Variants in SYPL1 observed in about 807,000 individuals in gnomAD.
The protein encoded by SYPL1 is synaptophysin-like protein 1.
Under a neutral mutation model 23.7 loss-of-function variants are expected in SYPL1, and 6 were observed. The observed-to-expected ratio is 0.25, with a 90% CI of 0.14 to 0.50. The LOEUF (loss-of-function observed/expected upper bound fraction) is 0.50, where lower values mean the gene tolerates loss of function less well. Ranked by LOEUF, SYPL1 falls within the 20% of genes least tolerant of loss-of-function variation. The pLI is 0.98. For missense variants in SYPL1, 253 were observed against 288.9 expected (o/e 0.88, Z 0.90); for synonymous variants, 102 against 104.5 (o/e 0.98, Z 0.15).
chr7:106,107,537 T>TTGAGACCAGCCTGG (rs1378062544), intron 1 of SYPL1, among the ~76,000 whole-genome samples: 81 of 152,238 alleles, frequency 5.3e-4, no homozygotes, highest in African/African-American at 1.9e-3. Flanking sequence ...GGTCAGGAGT[T>TTGAGACCAGCCTGG]TGAGACCAGC....
At chr7:106,094,749 C>CT (rs1260673134) in intron 3 of SYPL1, among the ~76,000 whole-genome samples, 2 of 152,174 alleles carry the variant, frequency 1.3e-5, no homozygotes, top group African/African-American at 4.8e-5. Flanking sequence ...TCAAATCCTC[C>CT]TAATTTTCAG....
At chr7:106,098,843 T>C (rs1585937988) in intron 2 of SYPL1, among the ~76,000 whole-genome samples, 1 of 152,260 alleles carries the variant, frequency 6.6e-6, no homozygotes, top group East Asian at 1.9e-4. Flanking sequence ...ACTAAGGTGA[T>C]AGAACAATCT....
Position 106,097,897 on chromosome 7 carries a change from C to A in SYPL1, c.195G>T (p.Arg65Ser). Reference protein sequence around the residue: ...TVTATFGYPFRLNEASFQPPP... With the variant: ...TVTATFGYPFSLNEASFQPPP... ...GTGGCTGAAATGATGCCTCATTCAA[C>A]CTATTAAAATAAATGTATGAATTAT... is the stretch of plus-strand genomic sequence containing the variant. Residue 65 changes from arginine to serine, a missense_variant and splice_region_variant, in exon 3 of 5, where the codon AGG becomes AGT. Arg to Ser is a moderately radical substitution (Grantham distance 110). Coordinates refer to ENST00000455385, the MANE Select transcript of SYPL1 (RefSeq NM_182715.4). The surrounding 1 kb of genome is among the most constrained non-coding windows in gnomAD (Gnocchi z 4.6). The A allele has an allele frequency of 1.2e-6, 2 of 1,609,114 alleles. No individual in the cohort carries two copies. Among genetic ancestry groups the A allele is most frequent in the East Asian group, 2.2e-5 (1 of 44,820 alleles).
chr7:106,102,367 A>G (rs1840371156), intron 1 of SYPL1, among the ~76,000 whole-genome samples: 1 of 152,202 alleles, frequency 6.6e-6, no homozygotes, highest in East Asian at 1.9e-4. Context: ...AAGTGCTGGG[A>G]TTACAGGCTT....
At chr7:106,099,052 A>T in intron 2 of SYPL1, 106 bp downstream of exon 2, 1 of 1,374,036 alleles carries the variant, frequency 7.3e-7, no homozygotes, top group Non-Finnish European at 1.0e-6. Flanking sequence ...ATGAGCATAC[A>T]GTCTAAAATT....
chr7:106,110,912 TA>T, intron 1 of SYPL1, among the ~76,000 whole-genome samples: 1 of 152,370 alleles, frequency 6.6e-6, no homozygotes, highest in South Asian at 2.1e-4. Flanking sequence ...TTAGCCTCGT[TA>T]ATGAGATTTT....
At chr7:106,103,898 A>G (rs1346540259) in intron 1 of SYPL1, among the ~76,000 whole-genome samples, 1 of 152,194 alleles carries the variant, frequency 6.6e-6, no homozygotes, top group Non-Finnish European at 1.5e-5. Context: ...TTTTCAACCT[A>G]AATTAAACAA....
chr7:106,105,088 C>G (rs1840525099), intron 1 of SYPL1, among the ~76,000 whole-genome samples: 1 of 152,138 alleles, frequency 6.6e-6, no homozygotes, highest in Non-Finnish European at 1.5e-5. Flanking sequence ...TCACTTATGG[C>G]AGAGTATGTG....
intron 1 of SYPL1, among the ~76,000 whole-genome samples, chr7:106,106,079 C>T (rs1272400469): frequency 6.6e-6 from 1 of 152,016 alleles, no homozygotes; most frequent in Non-Finnish European, 1.5e-5. Context: ...GGTGGCACAA[C>T]AATAAAAAAT....
chr7:106,111,887 C>T, intron 1 of SYPL1: 1 of 239,122 alleles, frequency 4.2e-6, no homozygotes. Flanking sequence ...AGGGGAGCTC[C>T]GGTGTGGGAG....
In SYPL1 at chr7:106,096,758, T is replaced by G; in HGVS notation, c.402+932A>C. On this transcript the variant is annotated intron_variant, in intron 3 of 4. Transcript: ENST00000455385. The surrounding 1 kb of genome is among the most constrained non-coding windows in gnomAD (Gnocchi z 4.4). ...GGGTCTGATTTTAAATTAAGGAGTT[T>G]AGGGACATAGACCAGGAATCAACAA... 6.6e-6 allele frequency among the ~76,000 whole-genome samples: 1 copy of G among 152,344 alleles called. No homozygotes were observed. Among genetic ancestry groups the G allele is most frequent in the East Asian group, 1.9e-4 (1 of 5,192 alleles).
intron 1 of SYPL1, among the ~76,000 whole-genome samples, chr7:106,108,108 T>G (rs537547973): frequency 1.3e-5 from 2 of 151,828 alleles, no homozygotes; most frequent in East Asian, 3.9e-4. Context: ...GGCAGAAGAA[T>G]CTCTGGAACC....
At position 106,097,855 on chromosome 7, in the gene SYPL1, T is replaced by A; in HGVS notation, c.237A>T (p.Ile79=). Residue 79 remains isoleucine, a synonymous_variant, in exon 3 of 5, where the codon ATA becomes ATT. Coordinates refer to ENST00000455385, the MANE Select transcript of SYPL1 (RefSeq NM_182715.4). The surrounding 1 kb of genome is among the most constrained non-coding windows in gnomAD (Gnocchi z 4.6). ...ASFQPPPGVN[I]CDVNWKDYVL... ...CGTAATCTTTCCAATTTACATCACA[T>A]ATGTTTACACCTGGAGGTGGCTGAA... 1 of 1,613,862 alleles carries A rather than the reference T, an allele frequency of 6.2e-7. No homozygotes were observed.
At position 106,100,573 on chromosome 7, in the gene SYPL1, G is replaced by GT. The variant is rs2116138623; in HGVS notation, c.70-1292dup. On this transcript the variant is annotated intron_variant, in intron 1 of 4. Coordinates refer to ENST00000455385, the MANE Select transcript of SYPL1 (RefSeq NM_182715.4). The surrounding 1 kb of genome is among the most constrained non-coding windows in gnomAD (Gnocchi z 5.1). ...GTAAGCAAAAAATTCCAGATGCGCT[G>GT]TTAAAGTCCAGGAGCTCAATCTTTC... 6.6e-6 allele frequency among the ~76,000 whole-genome samples: 1 copy of GT among 152,316 alleles called. No individual in the cohort carries two copies. The highest frequency in any genetic ancestry group is 1.9e-4 in the East Asian group (1 of 5,186).
intron 1 of SYPL1, among the ~76,000 whole-genome samples, chr7:106,101,100 C>A (rs547069061): frequency 6.6e-6 from 1 of 152,280 alleles, no homozygotes; most frequent in East Asian, 1.9e-4. Flanking sequence ...GAGAGACCTT[C>A]CCCTCACCAC....
chr7:106,106,545 C>A (rs1199436704), intron 1 of SYPL1, among the ~76,000 whole-genome samples: 1 of 150,496 alleles, frequency 6.6e-6, no homozygotes, highest in Non-Finnish European at 1.5e-5. Flanking sequence ...GAGTAAGACT[C>A]TGTCTCAAAA....
intron 1 of SYPL1, among the ~76,000 whole-genome samples, chr7:106,102,096 CTTT>C (rs564357480): frequency 1.4e-5 from 2 of 146,974 alleles, no homozygotes; most frequent in Non-Finnish European, 1.5e-5. Flanking sequence ...AAGATTACAA[CTTT>C]TTTTTTTTTT....
At chr7:106,112,430 C>A (rs1171555259), upstream of SYPL1, 3 of 1,261,782 alleles carry the variant, frequency 2.4e-6, no homozygotes, top group East Asian at 4.0e-5. Flanking sequence ...GCTGGGGAGG[C>A]GAGGGGCGGG....
Position 106,112,304 on chromosome 7 carries a change from G to T in SYPL1, c.-96C>A. The T allele has an allele frequency of 7.4e-7, 1 of 1,354,140 alleles. No homozygotes were observed. Among genetic ancestry groups the T allele is most frequent in the Non-Finnish European group, 9.6e-7 (1 of 1,042,520 alleles). 83.9% of individuals were successfully genotyped at this position (1,354,140 alleles called of 1,614,324 possible). A position where few individuals can be genotyped will look rare whatever the true frequency, so the allele number is the denominator to read the frequency against. On this transcript the variant is annotated 5_prime_UTR_variant, in exon 1 of 5. Transcript: ENST00000455385. ...CCCGGTGGCGAGGAAGGGCAGGCGG[G>T]GCTGGCGCGCTGGCCGGGCTCGGAG...
Sources: allele counts gnomAD v4.1 joint callset (sites outside exome capture counted in the v4.1 genomes callset), GRCh38; gene constraint gnomAD v4.1.1; non-coding constraint Gnocchi (gnomAD v3.1); transcripts MANE v1.5; gene names NCBI Gene and HGNC (gene_info 2026-07-23, HGNC 2026-07-21).